The following LRP2 variants were observed in gnomAD, a reference collection of about 807,000 sequenced individuals.
LRP2 encodes low-density lipoprotein receptor-related protein 2.
Under a neutral mutation model 531.0 loss-of-function variants are expected in LRP2, and 172 were observed. That is an observed-to-expected ratio of 0.32 (90% CI 0.29 to 0.37). The LOEUF (loss-of-function observed/expected upper bound fraction) is 0.37, where lower values mean the gene tolerates loss of function less well. Among genes scored for constraint, LRP2 ranks in the 10% least tolerant of loss-of-function variants. The pLI is 1.00. For missense variants in LRP2, 5,167 were observed against 5,868.3 expected, an observed-to-expected ratio of 0.88 and a Z score of 3.90; for synonymous variants, 1,992 against 2,027.6, an observed-to-expected ratio of 0.98 and a Z score of 0.47.
intron 16 of LRP2, among the ~76,000 whole-genome samples, chr2:169,269,617 A>C (rs1311205088): frequency 6.6e-6 from 1 of 152,268 alleles, no homozygotes; most frequent in East Asian, 1.9e-4. Flanking sequence ...GATGGATTAA[A>C]GATTTAAATG....
At chr2:169,294,530 A>G (rs915068216) in intron 5 of LRP2, 70 bp downstream of exon 5, 3 of 1,096,528 alleles carry the variant, frequency 2.7e-6, no homozygotes, top group East Asian at 2.4e-5. Context: ...AGAGATGTAC[A>G]TATTGGCTCT....
intron 73 of LRP2, 28 bp downstream of exon 73, chr2:169,139,515 C>A (rs778196684): frequency 1.2e-6 from 2 of 1,612,974 alleles, no homozygotes; most frequent in Non-Finnish European, 1.7e-6. Context: ...TGAGTAATTT[C>A]CAAGTTGCTC....
intron 38 of LRP2, among the ~76,000 whole-genome samples, chr2:169,208,592 G>A (rs1688480793): frequency 6.6e-6 from 1 of 152,114 alleles, no homozygotes; most frequent in Non-Finnish European, 1.5e-5. Flanking sequence ...GAGTAGCTGG[G>A]ATTACAGGCG....
chr2:169,213,636 A>G (rs1688675320), intron 36 of LRP2, 21 bp downstream of exon 36: 4 of 1,585,186 alleles, frequency 2.5e-6, no homozygotes, highest in Non-Finnish European at 3.5e-6. Context: ...CCATGAATGT[A>G]TTTCAGTGAC....
At chr2:169,339,031 T>C (rs1428915470) in intron 1 of LRP2, among the ~76,000 whole-genome samples, 1 of 152,130 alleles carries the variant, frequency 6.6e-6, no homozygotes, top group African/African-American at 2.4e-5. Flanking sequence ...TAAAAATTGA[T>C]TACTGATACT....
rs181958779 is a variant in LRP2 at position 169,214,605 on chromosome 2, G to A, written c.5827-735C>T. 1.1e-3 allele frequency among the ~76,000 whole-genome samples: 172 copies of A among 152,302 alleles called. 1 individual carries two copies. Among genetic ancestry groups the A allele is most frequent in the African/African-American group, 3.8e-3 (160 of 41,568 alleles). ...GCCCAGCAGTTACAAGAGTGGTTAT[G>A]CTGATGAAACTGATCAAAGTTCTAG... On this transcript the variant is annotated intron_variant, in intron 35 of 78. Transcript: ENST00000649046.
chr2:169,346,783 C>T (rs1260237539), intron 1 of LRP2, among the ~76,000 whole-genome samples: 2 of 152,234 alleles, frequency 1.3e-5, no homozygotes, highest in Non-Finnish European at 1.5e-5. Flanking sequence ...TCTTCTCAAA[C>T]TTACCAGGCA....
chr2:169,181,529 TTGG>T lies in LRP2; in HGVS notation c.10085_10087del (p.Thr3362del). 1 of 1,614,216 alleles carries T rather than the reference TTGG, an allele frequency of 6.2e-7. No individual in the cohort carries two copies. ...GGTGATGCCATTAGGCCACTCTAAC[TTGG>T]TGGAGATTATCACAGACTTGTTGGT... On this transcript the variant is annotated inframe_deletion, in exon 52 of 79. Coordinates refer to ENST00000649046, the MANE Select transcript of LRP2 (RefSeq NM_004525.3).
chr2:169,271,719 G>A, intron 15 of LRP2: 1 of 983,572 alleles, frequency 1.0e-6, no homozygotes, highest in Non-Finnish European at 1.2e-6. Flanking sequence ...GAACTCTATA[G>A]TAATTCCGTA....
rs937575875 is a variant in LRP2, at chr2:169,237,095, A to T, written c.4691+8T>A. The T allele has an allele frequency of 3.1e-6, 5 of 1,611,752 alleles. No individual in the cohort carries two copies. Among genetic ancestry groups the T allele is most frequent in the Non-Finnish European group, 4.2e-6 (5 of 1,177,966 alleles). ...TCAAGGCAACATAATTTTAAAAAAA[A>T]GTCTTACTTCATTCTGGGATCTAAT... On this transcript the variant is annotated splice_region_variant and intron_variant, in intron 28 of 78. Coordinates refer to ENST00000649046, the MANE Select transcript of LRP2 (RefSeq NM_004525.3).
At chr2:169,258,722 C>T (rs1268072359) in intron 17 of LRP2, among the ~76,000 whole-genome samples, 1 of 152,066 alleles carries the variant, frequency 6.6e-6, no homozygotes, top group Non-Finnish European at 1.5e-5. Context: ...TGCCTATTCA[C>T]TCCTTTTCTA....
intron 9 of LRP2, 70 bp downstream of exon 9, chr2:169,288,956 T>C (rs1336601846): frequency 5.2e-5 from 83 of 1,608,150 alleles, no homozygotes; most frequent in Non-Finnish European, 7.0e-5. Flanking sequence ...ACCTCCTAGA[T>C]GTCAGAGATC....
At chr2:169,142,279 T>A (rs1007280270) in intron 71 of LRP2, among the ~76,000 whole-genome samples, 1 of 152,214 alleles carries the variant, frequency 6.6e-6, no homozygotes, top group African/African-American at 2.4e-5. Context: ...GTAGCCCTTT[T>A]TCAGTTGTCA....
At position 169,133,595 on chromosome 2, in the gene LRP2, C is replaced by T. The variant is rs1324118747; in HGVS notation, c.13621-914G>A. 1.1e-4 allele frequency among the ~76,000 whole-genome samples: 8 copies of T among 74,540 alleles called. No individual in the cohort carries two copies. In the East Asian group the frequency reaches 2.1e-3, roughly 20 times the overall value. 48.9% of individuals were successfully genotyped at this position (74,540 alleles called of 152,430 possible). A position where few individuals can be genotyped will look rare whatever the true frequency, so the allele number is the denominator to read the frequency against. ...TGCCATATCTCGAGTTCAAAAGGAG[C>T]ATTAGGTGTTAACAATGACAGTTAT... is the stretch of plus-strand genomic sequence containing the variant. On this transcript the variant is annotated intron_variant, in intron 76 of 78. Transcript: ENST00000649046.
At chr2:169,174,392 A>T (rs1291020349) in intron 55 of LRP2, among the ~76,000 whole-genome samples, 1 of 152,250 alleles carries the variant, frequency 6.6e-6, no homozygotes, top group Non-Finnish European at 1.5e-5. Flanking sequence ...AGAGATAAGA[A>T]CTGAACACCC....
intron 31 of LRP2, among the ~76,000 whole-genome samples, chr2:169,230,767 CCTT>C (rs1373890669): frequency 6.6e-6 from 1 of 152,192 alleles, no homozygotes; most frequent in Non-Finnish European, 1.5e-5. Context: ...TGCAACTTTT[CCTT>C]CTTTTCTTAC....
chr2:169,138,554 A>G, intron 75 of LRP2, 23 bp downstream of exon 75: 4 of 1,612,564 alleles, frequency 2.5e-6, no homozygotes, highest in Non-Finnish European at 3.4e-6. Flanking sequence ...ACCTTCAAAT[A>G]ATCATTTTGA....
intron 1 of LRP2, among the ~76,000 whole-genome samples, chr2:169,330,866 A>G (rs1386207512): frequency 6.6e-6 from 1 of 152,058 alleles, no homozygotes; most frequent in Non-Finnish European, 1.5e-5. Flanking sequence ...AAAAAAAAAC[A>G]TAATACATTC....
chr2:169,339,335 C>T (rs1278993866), intron 1 of LRP2, among the ~76,000 whole-genome samples: 1 of 152,032 alleles, frequency 6.6e-6, no homozygotes, highest in African/African-American at 2.4e-5. Context: ...GTCTAAGATT[C>T]ACAAAACAAC....
Sources: gnomAD v4.1 joint callset for allele counts (sites outside exome capture counted in the v4.1 genomes callset) on GRCh38, gnomAD v4.1.1 for gene constraint, MANE v1.5 for transcripts, NCBI Gene and HGNC (gene_info 2026-07-23, HGNC 2026-07-21) for gene names.